ARHGAP30: variants seen among roughly 807,000 people sequenced by gnomAD.
ARHGAP30 encodes Rho GTPase activating protein 30, also known as rho GTPase-activating protein 30.
Under a neutral mutation model 72.0 loss-of-function variants are expected in ARHGAP30, and 23 were observed. That is an observed-to-expected ratio of 0.32 (90% CI 0.23 to 0.45). The LOEUF (loss-of-function observed/expected upper bound fraction) is 0.45, where lower values mean the gene tolerates loss of function less well. ARHGAP30 is among the 20% of genes least tolerant of loss of function. The pLI is 1.00. For missense variants in ARHGAP30, 1,319 were observed against 1,383.4 expected, an observed-to-expected ratio of 0.95 and a Z score of 0.74; for synonymous variants, 576 against 528.2, an observed-to-expected ratio of 1.09 and a Z score of -1.24.
chr1:161,063,058 C>T (rs993680603), intron 1 of ARHGAP30, among the ~76,000 whole-genome samples: 1 of 152,196 alleles, frequency 6.6e-6, no homozygotes, highest in African/African-American at 2.4e-5. Flanking sequence ...GGTGATCTGC[C>T]CACCTCAGCC....
chr1:161,069,824 TGAAGAG>T lies in ARHGAP30; in HGVS notation c.-206_-201del, dbSNP rs1173067626. On this transcript the variant is annotated 5_prime_UTR_variant, in exon 1 of 12. Coordinates refer to ENST00000368013, the MANE Select transcript of ARHGAP30 (RefSeq NM_001025598.2). This position sits in a 1 kb window ranked among gnomAD's most constrained non-coding sequence, Gnocchi z 4.9. ...GCCCCGGCCACACGGAAGTGGCTGT[TGAAGAG>T]GAAGCTACCAGGACCCTGGCAAGAA... The T allele has an allele frequency of 3.4e-6, 2 of 594,310 alleles. No individual in the cohort carries two copies. The highest frequency in any genetic ancestry group is 2.0e-5 in the South Asian group (1 of 50,074). The allele number at this position is 594,310 out of a possible 1,614,324, so 36.8% of individuals were successfully genotyped here.
Position 161,051,390 on chromosome 1 carries a change from C to T in ARHGAP30, c.1344G>A (p.Glu448=). Residue 448 remains glutamate, a synonymous_variant, in exon 10 of 12, where the codon GAG becomes GAA. Transcript: ENST00000368013. ...TTGGCCGGTGCTGTAGAGCAGGGCA[C>T]TCAAGGCCACGGGTGAGCCTGGCCA... ...VSLARLTRGL[E]CPALQHRPSP... 1.2e-6 allele frequency: 2 copies of T among 1,613,908 alleles called. No individual in the cohort carries two copies. Among genetic ancestry groups the T allele is most frequent in the Non-Finnish European group, 8.5e-7 (1 of 1,179,996 alleles).
At chr1:161,053,634 C>T (rs1408441732) in intron 5 of ARHGAP30, among the ~76,000 whole-genome samples, 1 of 152,138 alleles carries the variant, frequency 6.6e-6, no homozygotes, top group Non-Finnish European at 1.5e-5. Context: ...TCTCTATTTC[C>T]TTTGCACACC....
At position 161,049,605 on chromosome 1, in the gene ARHGAP30, A is replaced by C. The variant is rs1291032260; in HGVS notation, c.1505T>G (p.Leu502Arg). Residue 502 changes from leucine (L) to arginine (R), a missense_variant, in exon 11 of 12, where the codon CTG becomes CGG. Leu to Arg is a moderately radical substitution (Grantham distance 102, BLOSUM62 -2). This residue lies in a region of ARHGAP30 where 1,097 missense variants were observed against 1,045.2 expected (regional missense o/e 1.05). Transcript: ENST00000368013. ...GAAGGAGTCCTGCACCTCCTGGGAC[A>C]GCGAGTCCTCCAGGGCAGGAGCCAA... ...DDLAPALEDS[L>R]SQEVQDSFSF... 1 of 1,614,072 alleles carries C rather than the reference A, an allele frequency of 6.2e-7. No homozygotes were observed.
intron 9 of ARHGAP30, 26 bp from the exon 10 acceptor site, chr1:161,051,741 A>T: frequency 1.3e-6 from 2 of 1,571,436 alleles, no homozygotes; most frequent in Non-Finnish European, 1.7e-6. Flanking sequence ...AGGGCCAGGT[A>T]GGCAATAGCC....
chr1:161,048,164 T>C lies in ARHGAP30; in HGVS notation c.2857A>G (p.Met953Val), dbSNP rs1331953335. ...GGTGCCACATGAATCTTGCTACACATTGCACTGGGCATCTTGGCAAACTGT... is the reference window on the plus strand; with the variant it reads ...GGTGCCACATGAATCTTGCTACACACTGCACTGGGCATCTTGGCAAACTGT... The part of the protein sequence containing the change: ...KPQFAKMPSA[M>V]CSKIHVAPAN... Residue 953 changes from methionine (M) to valine (V), a missense_variant, in exon 12 of 12, where the codon ATG becomes GTG. Met to Val is a conservative substitution (Grantham distance 21). This residue lies in a region of ARHGAP30 where 1,097 missense variants were observed against 1,045.2 expected (regional missense o/e 1.05). Coordinates refer to ENST00000368013, the MANE Select transcript of ARHGAP30 (RefSeq NM_001025598.2). The C allele has an allele frequency of 1.2e-6, 2 of 1,614,148 alleles. No individual in the cohort carries two copies. Among genetic ancestry groups the C allele is most frequent in the Non-Finnish European group, 1.7e-6 (2 of 1,180,012 alleles).
rs17854840 is a variant in ARHGAP30, at chr1:161,049,251, G to C, written c.1770C>G (p.Ser590=). The C allele has an allele frequency of 9.3e-6, 15 of 1,613,966 alleles. No homozygotes were observed. Among genetic ancestry groups the C allele is most frequent in the Non-Finnish European group, 1.1e-5 (13 of 1,180,022 alleles). The change falls in exon 12 of 12, where the codon TCC becomes TCG. Residue 590 remains serine, a synonymous_variant. Coordinates refer to ENST00000368013, the MANE Select transcript of ARHGAP30 (RefSeq NM_001025598.2). ...AQFVLAPSCC[S]LDSAGPRPEV... The stretch of plus-strand genomic sequence containing the variant: ...CAGGCCTGGGGCCAGCGGAGTCCAG[G>C]GAACAGCAGCTGGGGGCCAAGACAA...
Position 161,059,332 on chromosome 1 carries a change from GT to G in ARHGAP30, c.200+281del, listed in dbSNP as rs1041197985. 8.4e-3 allele frequency among the ~76,000 whole-genome samples: 861 copies of G among 102,132 alleles called. 6 individuals are homozygous for G. The highest frequency in any genetic ancestry group is 0.034 in the African/African-American group (770 of 22,542). The allele number at this position is 102,132 out of a possible 152,430, so 67.0% of individuals were successfully genotyped here. ...GCGTGAGCCACCGCGCCTGGCTCAA[GT>G]TTTTTTTTTTTTTTTTTTTTAAGCC... On this transcript the variant is annotated intron_variant, in intron 2 of 11. Coordinates refer to ENST00000368013, the MANE Select transcript of ARHGAP30 (RefSeq NM_001025598.2).
rs1324718382 is a variant in ARHGAP30 at position 161,055,900 on chromosome 1, TA to T, written c.345+487del. On this transcript the variant is annotated intron_variant, in intron 3 of 11. Transcript: ENST00000368013. Reference sequence around the variant, plus strand: ...TAAAATAAAAATAAATAAAATAAAATAAAATAAAATAAAATAAAATAAAATA... The same window carrying T: ...TAAAATAAAAATAAATAAAATAAAATAAATAAAATAAAATAAAATAAAATA... Among the ~76,000 whole-genome samples, 148 of 20,476 alleles carry T rather than the reference TA, an allele frequency of 7.2e-3. 2 individuals are homozygous for T. Among genetic ancestry groups the T allele is most frequent in the African/African-American group, 0.021 (137 of 6,652 alleles). 13.4% of individuals were successfully genotyped at this position (20,476 alleles called of 152,430 possible). A position where few individuals can be genotyped will look rare whatever the true frequency, so the allele number is the denominator to read the frequency against.
chr1:161,061,712 T>C (rs1652325825), intron 1 of ARHGAP30, among the ~76,000 whole-genome samples: 1 of 152,168 alleles, frequency 6.6e-6, no homozygotes, highest in South Asian at 2.1e-4. Context: ...TACTAGACTG[T>C]AAGCTTTTTA....
Position 161,053,817 on chromosome 1 carries a change from C to A in ARHGAP30, c.537-432G>T, listed in dbSNP as rs909789032. Among the ~76,000 whole-genome samples, 8 of 152,206 alleles carry A rather than the reference C, an allele frequency of 5.3e-5. 1 individual carries two copies. Among genetic ancestry groups the A allele is most frequent in the Admixed American group, 2.0e-4 (3 of 15,284 alleles). On this transcript the variant is annotated intron_variant, in intron 5 of 11. Coordinates refer to ENST00000368013, the MANE Select transcript of ARHGAP30 (RefSeq NM_001025598.2). ...GAGTGGCTCACACCTGTAATCCTAG[C>A]ACTTGCACAGGGAGGAGGTGGGTGG...
intron 1 of ARHGAP30, among the ~76,000 whole-genome samples, chr1:161,063,777 C>A (rs568230966): frequency 1.3e-5 from 2 of 152,232 alleles, no homozygotes; most frequent in East Asian, 1.9e-4. Context: ...AAAGAGAATG[C>A]GCACCTAGGG....
rs1651960959 is a variant in ARHGAP30 at position 161,057,448 on chromosome 1, A to G, written c.201-916T>C. On this transcript the variant is annotated intron_variant, in intron 2 of 11. Transcript: ENST00000368013. Reference sequence around the variant, plus strand: ...ATGCAAGTAGACAATAAGCACAGGAAAAGATGTTCAACATCATTACCTATT... The same window carrying G: ...ATGCAAGTAGACAATAAGCACAGGAGAAGATGTTCAACATCATTACCTATT... 1.3e-5 allele frequency among the ~76,000 whole-genome samples: 2 copies of G among 152,222 alleles called. 1 individual carries two copies. Among genetic ancestry groups the G allele is most frequent in the Admixed American group, 1.3e-4 (2 of 15,264 alleles).
intron 2 of ARHGAP30, among the ~76,000 whole-genome samples, chr1:161,058,956 G>A (rs1652117009): frequency 6.6e-6 from 1 of 152,006 alleles, no homozygotes; most frequent in Admixed American, 6.6e-5. Flanking sequence ...TGAATAGTAT[G>A]TGAATACACT....
intron 4 of ARHGAP30, 69 bp downstream of exon 4, chr1:161,054,554 A>C (rs1272771165): frequency 6.2e-7 from 1 of 1,600,896 alleles, no homozygotes; most frequent in Non-Finnish European, 8.6e-7. Flanking sequence ...AGTAGGACCC[A>C]GTTAAGGCTC....
chr1:161,057,158 A>ATTT (rs11441984), intron 2 of ARHGAP30, among the ~76,000 whole-genome samples: 1 of 146,828 alleles, frequency 6.8e-6, no homozygotes, highest in Non-Finnish European at 1.5e-5. Context: ...AAATAAGCTA[A>ATTT]TTTTTTTTTT....
chr1:161,065,037 G>GTTTA (rs1303614137), intron 1 of ARHGAP30, among the ~76,000 whole-genome samples: 12 of 152,190 alleles, frequency 7.9e-5, no homozygotes, highest in East Asian at 7.7e-4. Flanking sequence ...ACTTGATTAT[G>GTTTA]TTTATTTATT....
intron 9 of ARHGAP30, among the ~76,000 whole-genome samples, chr1:161,051,925 G>A (rs898740300): frequency 1.3e-5 from 2 of 151,366 alleles, no homozygotes; most frequent in Non-Finnish European, 2.9e-5. Flanking sequence ...ACATACCTAG[G>A]GAACTCCCTT....
chr1:161,059,591 C>T, intron 2 of ARHGAP30, 23 bp downstream of exon 2: 1 of 1,590,594 alleles, frequency 6.3e-7, no homozygotes. Flanking sequence ...GGTCACAGAG[C>T]CCTCCCACTC....
Sources: allele counts gnomAD v4.1 joint callset (sites outside exome capture counted in the v4.1 genomes callset), GRCh38; gene constraint gnomAD v4.1.1; regional missense constraint gnomAD v4.1.1; non-coding constraint Gnocchi (gnomAD v3.1); transcripts MANE v1.5; gene names NCBI Gene and HGNC (gene_info 2026-07-23, HGNC 2026-07-21).